Variants in MAP2K6 observed in about 807,000 individuals in gnomAD.
The protein encoded by MAP2K6 is mitogen-activated protein kinase kinase 6, also known as dual specificity mitogen-activated protein kinase kinase 6.
In MAP2K6, 16 loss-of-function variants were observed where a neutral mutation model predicts 53.7. The ratio of observed to expected loss-of-function variants is 0.30; its 90% CI spans 0.20 to 0.45. MAP2K6 has a LOEUF of 0.45. Among genes scored for constraint, MAP2K6 ranks in the 20% least tolerant of loss-of-function variants. The pLI is 1.00. For synonymous variants in MAP2K6, 132 were observed against 143.1 expected (o/e 0.92, Z 0.55); for missense variants, 204 against 411.9 (o/e 0.50, Z 4.37).
chr17:69,540,145 A>G (rs1911543698), intron 11 of MAP2K6, among the ~76,000 whole-genome samples: 1 of 152,012 alleles, frequency 6.6e-6, no homozygotes, highest in Admixed American at 6.6e-5. Flanking sequence ...ATGAGCAGGA[A>G]CTCAGTTTTC....
intron 1 of MAP2K6, among the ~76,000 whole-genome samples, chr17:69,503,997 C>T (rs1393970926): frequency 6.6e-6 from 1 of 152,174 alleles, no homozygotes; most frequent in African/African-American, 2.4e-5. Context: ...CCTCTCCAGT[C>T]ATCTCTAAAC....
intron 1 of MAP2K6, among the ~76,000 whole-genome samples, chr17:69,473,865 T>G (rs890938211): frequency 1.3e-5 from 2 of 152,176 alleles, no homozygotes; most frequent in Non-Finnish European, 2.9e-5. Flanking sequence ...GTTCCAGTGG[T>G]TTCTTAGGAG....
chr17:69,541,167 G>T (rs991874207), intron 11 of MAP2K6, among the ~76,000 whole-genome samples: 4 of 152,164 alleles, frequency 2.6e-5, no homozygotes, highest in African/African-American at 9.7e-5. Flanking sequence ...GGAGGCTGAG[G>T]CAGGAGAATC....
At chr17:69,516,790 G>A (rs903961275) in intron 2 of MAP2K6, 65 bp from the exon 3 acceptor site, 1 of 1,211,010 alleles carries the variant, frequency 8.3e-7, no homozygotes, top group African/African-American at 1.5e-5. Flanking sequence ...AGTGGTGTGT[G>A]ATTTGGGAAG....
chr17:69,461,253 T>C (rs1160635133), intron 1 of MAP2K6, among the ~76,000 whole-genome samples: 2 of 152,164 alleles, frequency 1.3e-5, no homozygotes, highest in Non-Finnish European at 2.9e-5. Flanking sequence ...CCTTAATCTC[T>C]TCCTCCCTGG....
At chr17:69,540,752 C>A (rs934727951) in intron 11 of MAP2K6, among the ~76,000 whole-genome samples, 1 of 152,206 alleles carries the variant, frequency 6.6e-6, no homozygotes, top group Admixed American at 6.5e-5. Flanking sequence ...TCAGTTTTCT[C>A]TGCACATAAC....
At chr17:69,415,042 G>T in intron 1 of MAP2K6, 42 bp downstream of exon 1, 1 of 1,519,242 alleles carries the variant, frequency 6.6e-7, no homozygotes, top group Non-Finnish European at 9.1e-7. Context: ...GCAAAGGGTT[G>T]TGCATGCATT....
At chr17:69,540,645 G>A (rs1332901425) in intron 11 of MAP2K6, among the ~76,000 whole-genome samples, 1 of 152,180 alleles carries the variant, frequency 6.6e-6, no homozygotes, top group African/African-American at 2.4e-5. Flanking sequence ...TGTTCCCCTA[G>A]CAAAGCATAA....
At position 69,524,889 on chromosome 17, in the gene MAP2K6, T is replaced by C. The variant is rs1910685101; in HGVS notation, c.664-12T>C. 1.9e-6 allele frequency: 3 copies of C among 1,606,702 alleles called. No homozygotes were observed. Among genetic ancestry groups the C allele is most frequent in the Non-Finnish European group, 2.6e-6 (3 of 1,173,754 alleles). ...GTCTTCCCAGTTTCTCAGTTGTCTG[T>C]CTTCTTTCCAGCCTGAAAGAATAAA... On this transcript the variant is annotated splice_polypyrimidine_tract_variant and intron_variant, in intron 8 of 11. Coordinates refer to ENST00000590474, the MANE Select transcript of MAP2K6 (RefSeq NM_002758.4).
At chr17:69,493,301 A>T (rs900465311) in intron 1 of MAP2K6, among the ~76,000 whole-genome samples, 5 of 101,940 alleles carry the variant, frequency 4.9e-5, no homozygotes, top group Non-Finnish European at 8.6e-5. Flanking sequence ...AAAACAGTGT[A>T]TGTGTTTGTG....
At position 69,523,583 on chromosome 17, in the gene MAP2K6, G is replaced by T; in HGVS notation, c.605G>T (p.Gly202Val). 6.2e-7 allele frequency: 1 copy of T among 1,614,054 alleles called. No individual in the cohort carries two copies. Among genetic ancestry groups the T allele is most frequent in the Non-Finnish European group, 8.5e-7 (1 of 1,179,950 alleles). ...QVKMCDFGIS[G>V]YLVDSVAKTI... The stretch of plus-strand genomic sequence containing the variant: ...AAGATGTGCGATTTTGGAATCAGTG[G>T]CTACTTGGTGGACTCTGTTGCTAAA... The change falls in exon 8 of 12, where the codon GGC becomes GTC. Residue 202 changes from glycine to valine, a missense_variant. Physicochemically the swap from Gly to Val is moderately radical, Grantham distance 109. This residue lies in a region of MAP2K6 where 28 missense variants were observed against 102.5 expected (regional missense o/e 0.27). Coordinates refer to ENST00000590474, the MANE Select transcript of MAP2K6 (RefSeq NM_002758.4).
chr17:69,502,375 C>T, intron 1 of MAP2K6: 1 of 985,434 alleles, frequency 1.0e-6, no homozygotes, highest in Non-Finnish European at 1.2e-6. Flanking sequence ...CCAGAGTCGC[C>T]TCTGCTGGTC....
At chr17:69,459,558 A>G (rs1446086738) in intron 1 of MAP2K6, among the ~76,000 whole-genome samples, 1 of 151,858 alleles carries the variant, frequency 6.6e-6, no homozygotes, top group Non-Finnish European at 1.5e-5. Context: ...CTAAAGATAC[A>G]AAAATTAGCC....
chr17:69,499,757 A>C (rs1909080659), intron 1 of MAP2K6, among the ~76,000 whole-genome samples: 1 of 152,234 alleles, frequency 6.6e-6, no homozygotes, highest in Non-Finnish European at 1.5e-5. Context: ...TAAATAAATA[A>C]ATACAAAAAT....
At chr17:69,457,192 AG>A (rs1158692330) in intron 1 of MAP2K6, among the ~76,000 whole-genome samples, 1 of 152,218 alleles carries the variant, frequency 6.6e-6, no homozygotes, top group East Asian at 1.9e-4. Context: ...CTTGGGATTT[AG>A]CAGATCAAAG....
chr17:69,489,875 A>G (rs1908677340), intron 1 of MAP2K6, among the ~76,000 whole-genome samples: 1 of 152,260 alleles, frequency 6.6e-6, no homozygotes, highest in Non-Finnish European at 1.5e-5. Context: ...GTAGCCGAAC[A>G]AAAGGCAAAG....
intron 1 of MAP2K6, among the ~76,000 whole-genome samples, chr17:69,454,855 G>T (rs1480482989): frequency 6.6e-6 from 1 of 152,234 alleles, no homozygotes; most frequent in Non-Finnish European, 1.5e-5. Flanking sequence ...ATATTTTGCA[G>T]GTAGGAACAT....
chr17:69,450,714 T>C (rs1567822372), intron 1 of MAP2K6, among the ~76,000 whole-genome samples: 1 of 152,148 alleles, frequency 6.6e-6, no homozygotes, highest in Non-Finnish European at 1.5e-5. Context: ...TTTTTTTTTT[T>C]TTAGTTTATT....
intron 1 of MAP2K6, among the ~76,000 whole-genome samples, chr17:69,488,730 A>G (rs1908639269): frequency 6.6e-6 from 1 of 152,152 alleles, no homozygotes; most frequent in South Asian, 2.1e-4. Flanking sequence ...CGTGGACATA[A>G]AGATGGCAAC....
Sources: allele counts gnomAD v4.1 joint callset (sites outside exome capture counted in the v4.1 genomes callset), GRCh38; gene constraint gnomAD v4.1.1; regional missense constraint gnomAD v4.1.1; transcripts MANE v1.5; gene names NCBI Gene and HGNC (gene_info 2026-07-23, HGNC 2026-07-21).